DOCK7: variants seen among roughly 807,000 people sequenced by gnomAD.
DOCK7 encodes dedicator of cytokinesis 7.
A neutral mutation model predicts 271.0 loss-of-function variants in DOCK7; 138 were observed. The ratio of observed to expected loss-of-function variants is 0.51; its 90% CI spans 0.44 to 0.59. The LOEUF (loss-of-function observed/expected upper bound fraction) is 0.59. Among genes scored for constraint, DOCK7 ranks in the 20% least tolerant of loss-of-function variants. DOCK7 has a pLI of 0.00. For synonymous variants in DOCK7, 823 were observed against 876.1 expected (o/e 0.94, Z 1.07); for missense variants, 2,066 against 2,592.4 (o/e 0.80, Z 4.41).
chr1:62,595,910 C>T (rs891519586), intron 14 of DOCK7, among the ~76,000 whole-genome samples: 2 of 152,032 alleles, frequency 1.3e-5, no homozygotes, highest in African/African-American at 4.8e-5. Context: ...GCCTGGACAA[C>T]AGAGCAAGAC....
chr1:62,598,289 A>C (rs1026841781), intron 14 of DOCK7, among the ~76,000 whole-genome samples: 2 of 152,054 alleles, frequency 1.3e-5, no homozygotes, highest in African/African-American at 2.4e-5. Flanking sequence ...TTTATATGAA[A>C]ATTACAAATC....
rs1477660571 is a variant in DOCK7, at chr1:62,454,818, AAAGTT to A, written c.*591_*595del. 1 of 182,948 alleles carries A rather than the reference AAAGTT, an allele frequency of 5.5e-6. No homozygotes were observed. Among genetic ancestry groups the A allele is most frequent in the African/African-American group, 2.3e-5 (1 of 43,034 alleles). 11.3% of individuals were successfully genotyped at this position (182,948 alleles called of 1,614,324 possible). A position where few individuals can be genotyped will look rare whatever the true frequency, so the allele number is the denominator to read the frequency against. On this transcript the variant is annotated 3_prime_UTR_variant, in exon 50 of 50. Transcript: ENST00000635253. The stretch of plus-strand genomic sequence containing the variant: ...ATTTTACACAAAGGTTTTACTAAGT[AAAGTT>A]CTGCAATTCTAAATTCCTGTTTTGG...
intron 48 of DOCK7, among the ~76,000 whole-genome samples, chr1:62,465,380 C>T (rs1645647013): frequency 6.6e-6 from 1 of 151,924 alleles, no homozygotes; most frequent in Non-Finnish European, 1.5e-5. Context: ...AAAAAAGTTA[C>T]ATTACAGGAA....
At chr1:62,592,582 AAAT>A (rs1451620394) in intron 14 of DOCK7, among the ~76,000 whole-genome samples, 1 of 152,174 alleles carries the variant, frequency 6.6e-6, no homozygotes, top group Non-Finnish European at 1.5e-5. Context: ...CACAATATGT[AAAT>A]AATTCCTAAA....
chr1:62,553,343 TATATATATATA>T (rs766764381), intron 21 of DOCK7, among the ~76,000 whole-genome samples: 14 of 3,580 alleles, frequency 3.9e-3, no homozygotes, highest in African/African-American at 9.2e-3. Context: ...TATATATATA[TATATATATATA>T]TTTTTTTTTT....
In DOCK7 at chr1:62,473,933, T is replaced by A. The variant is rs774227770; in HGVS notation, c.6212+49A>T. 1.4e-5 allele frequency: 21 copies of A among 1,476,132 alleles called. No individual in the cohort carries two copies. The South Asian group carries it at 2.1e-4, about 15-fold the overall frequency. The allele number at this position is 1,476,132 out of a possible 1,614,324, so 91.4% of individuals were successfully genotyped here. On this transcript the variant is annotated intron_variant, in intron 48 of 49. Transcript: ENST00000635253. ...TTAAGGCCCTTATGTCATACTGTGG[T>A]ATTGGACAGTCTCAATTTGAAGATC...
intron 2 of DOCK7, among the ~76,000 whole-genome samples, chr1:62,659,103 A>G (rs1658367522): frequency 6.6e-6 from 1 of 152,192 alleles, no homozygotes; most frequent in African/African-American, 2.4e-5. Context: ...GTATCTGGAA[A>G]TATAATAAAA....
rs983007684 is a variant in DOCK7 at position 62,688,341 on chromosome 1, T to C, written c.-77A>G. 1.0e-6 allele frequency: 1 copy of C among 984,854 alleles called. No homozygotes were observed. Among genetic ancestry groups the C allele is most frequent in the Non-Finnish European group, 1.3e-6 (1 of 779,974 alleles). 61.0% of individuals were successfully genotyped at this position (984,854 alleles called of 1,614,324 possible). A position where few individuals can be genotyped will look rare whatever the true frequency, so the allele number is the denominator to read the frequency against. ...GACCGGCGGGCGCGTGCCTCCTCGC[T>C]CGTGCTCCCTCCCTCGCGGCCTCCG... On this transcript the variant is annotated 5_prime_UTR_variant, in exon 1 of 50. Transcript: ENST00000635253.
At chr1:62,458,684 C>T (rs967617213) in intron 48 of DOCK7, 4 of 152,158 alleles carry the variant, frequency 2.6e-5, no homozygotes, top group African/African-American at 9.7e-5. Flanking sequence ...AGGCGCCTGC[C>T]ACCACGCCCA....
intron 14 of DOCK7, among the ~76,000 whole-genome samples, chr1:62,598,350 C>T (rs890245715): frequency 5.3e-5 from 8 of 151,722 alleles, no homozygotes; most frequent in Non-Finnish European, 8.8e-5. Context: ...TTGTAAATTA[C>T]TGAAGGTAAG....
chr1:62,509,805 G>A (rs1644428973), intron 34 of DOCK7, among the ~76,000 whole-genome samples: 1 of 152,098 alleles, frequency 6.6e-6, no homozygotes, highest in Non-Finnish European at 1.5e-5. Flanking sequence ...TTATTTGTGA[G>A]AATCTTCTGA....
chr1:62,561,221 T>A (rs1646312655), intron 19 of DOCK7, among the ~76,000 whole-genome samples: 1 of 152,126 alleles, frequency 6.6e-6, no homozygotes, highest in South Asian at 2.1e-4. Flanking sequence ...ATAAAACCTA[T>A]CAGAACTTGG....
In DOCK7 at chr1:62,495,494, TTG is replaced by T. The variant is rs542134811; in HGVS notation, c.5024+85_5024+86del. On this transcript the variant is annotated intron_variant, in intron 39 of 49. Transcript: ENST00000635253. ...AATAAAGAAAAATCACAAATCATTT[TTG>T]TGTGTTTATTTTTTTCATCTAATGC... is the stretch of plus-strand genomic sequence containing the variant. 1.1e-3 allele frequency: 867 copies of T among 760,904 alleles called. 1 individual carries two copies. Among genetic ancestry groups the T allele is most frequent in the Non-Finnish European group, 1.5e-3 (797 of 519,088 alleles). 47.1% of individuals were successfully genotyped at this position (760,904 alleles called of 1,614,324 possible). A position where few individuals can be genotyped will look rare whatever the true frequency, so the allele number is the denominator to read the frequency against.
At chr1:62,626,426 AT>A (rs1187918464) in intron 11 of DOCK7, among the ~76,000 whole-genome samples, 2 of 152,050 alleles carry the variant, frequency 1.3e-5, no homozygotes, top group African/African-American at 4.8e-5. Flanking sequence ...ATACAGAAAA[AT>A]CAATTAAACC....
chr1:62,507,887 T>G, intron 35 of DOCK7, 75 bp downstream of exon 35: 1 of 1,342,872 alleles, frequency 7.4e-7, no homozygotes, highest in South Asian at 1.3e-5. Context: ...ATTTTATGGC[T>G]CACAGTAAAC....
chr1:62,517,862 T>G (rs1644712946), intron 31 of DOCK7, among the ~76,000 whole-genome samples: 1 of 152,186 alleles, frequency 6.6e-6, no homozygotes, highest in Non-Finnish European at 1.5e-5. Flanking sequence ...GTATATACCT[T>G]AGCGAAACTC....
chr1:62,548,108 C>T (rs1452736010), intron 22 of DOCK7, among the ~76,000 whole-genome samples: 2 of 151,744 alleles, frequency 1.3e-5, no homozygotes, highest in African/African-American at 4.8e-5. Flanking sequence ...CAAATATTCC[C>T]TGCCACAATG....
In DOCK7 at chr1:62,543,713, C is replaced by T. The variant is rs1201431375; in HGVS notation, c.2892G>A (p.Ser964=). The T allele has an allele frequency of 7.5e-6, 12 of 1,599,248 alleles. No homozygotes were observed. The highest frequency in any genetic ancestry group is 6.7e-5 in the East Asian group (3 of 44,714). Residue 964 remains serine, a synonymous_variant, in exon 24 of 50, where the codon TCG becomes TCA. Transcript: ENST00000635253. ...GTAAGAAACTTGACGTCTCTGTGTGCGAAGACATACGATTACAACTTCGAT... is the reference window on the plus strand; with the variant it reads ...GTAAGAAACTTGACGTCTCTGTGTGTGAAGACATACGATTACAACTTCGAT... ...AMDRSCNRMS[S]HTETSSFLQT...
intron 48 of DOCK7, among the ~76,000 whole-genome samples, chr1:62,469,914 A>C (rs1412407991): frequency 1.3e-5 from 2 of 152,100 alleles, no homozygotes; most frequent in Non-Finnish European, 2.9e-5. Flanking sequence ...CTCAAAAAAA[A>C]AAAAAAAAAT....
Sources: allele counts gnomAD v4.1 joint callset (sites outside exome capture counted in the v4.1 genomes callset), GRCh38; gene constraint gnomAD v4.1.1; transcripts MANE v1.5; gene names NCBI Gene and HGNC (gene_info 2026-07-23, HGNC 2026-07-21).